The following TANC1 variants were observed in gnomAD, a reference collection of about 807,000 sequenced individuals.
The protein encoded by TANC1 is tetratricopeptide repeat, ankyrin repeat and coiled-coil containing 1, also known as protein TANC1.
Under a neutral mutation model 149.7 loss-of-function variants are expected in TANC1, and 77 were observed. That is an observed-to-expected ratio of 0.51 (90% CI 0.43 to 0.62). The LOEUF is 0.62. Among genes scored for constraint, TANC1 ranks in the 20% least tolerant of loss-of-function variants. The pLI, the probability that TANC1 is intolerant of heterozygous loss-of-function variation, is 0.00. For synonymous variants in TANC1, 854 were observed against 925.0 expected, an observed-to-expected ratio of 0.92 and a Z score of 1.39; for missense variants, 1,985 against 2,321.8, an observed-to-expected ratio of 0.85 and a Z score of 2.98.
At chr2:159,064,147 C>T (rs77275470) in intron 2 of TANC1, among the ~76,000 whole-genome samples, 7,260 of 152,224 alleles carry the variant, frequency 0.048, 549 homozygotes, top group African/African-American at 0.16. Context: ...ACTTTTACTA[C>T]CATTTTTTTA....
At chr2:159,209,085 T>G (rs567359055) in intron 19 of TANC1, among the ~76,000 whole-genome samples, 1 of 152,378 alleles carries the variant, frequency 6.6e-6, no homozygotes, top group South Asian at 2.1e-4. Context: ...AGCATGTGAC[T>G]GTACCTGGGC....
rs1377442276 is a variant in TANC1, at chr2:159,079,969, G to A, written c.61+13998G>A. Among the ~76,000 whole-genome samples, 3 of 152,324 alleles carry A rather than the reference G, an allele frequency of 2.0e-5. No individual in the cohort carries two copies. In the East Asian group the frequency reaches 5.8e-4, roughly 29 times the overall value. On this transcript the variant is annotated intron_variant, in intron 3 of 26. Coordinates refer to ENST00000263635, the MANE Select transcript of TANC1 (RefSeq NM_033394.3). ...TTAACGAATTTTTAAATGAGAAAGG[G>A]TAGTTTGGTAGTCTACTTGAAAATG...
intron 4 of TANC1, among the ~76,000 whole-genome samples, chr2:159,120,004 T>A (rs2048681825): frequency 6.6e-6 from 1 of 152,194 alleles, no homozygotes; most frequent in Admixed American, 6.5e-5. Flanking sequence ...TTTCTTTCAG[T>A]CTCAGGTGCA....
Position 159,163,066 on chromosome 2 carries a change from G to A in TANC1, c.683-217G>A, listed in dbSNP as rs138415302. Reference sequence around the variant, plus strand: ...ATCTTCCTATCAGAGTTTCTCCCTCGCTCCTCTTCTCTGTAGAGTGATTTA... The same window carrying A: ...ATCTTCCTATCAGAGTTTCTCCCTCACTCCTCTTCTCTGTAGAGTGATTTA... On this transcript the variant is annotated intron_variant, in intron 7 of 26. Transcript: ENST00000263635. 6.6e-5 allele frequency among the ~76,000 whole-genome samples: 10 copies of A among 151,912 alleles called. No homozygotes were observed. The East Asian group carries it at 7.7e-4, about 12-fold the overall frequency.
Position 159,195,127 on chromosome 2 carries a change from CT to C in TANC1, c.2979+642del, listed in dbSNP as rs2057752290. ...ATACAAGTTACTCTAGAGCGATCAA[CT>C]TTTTTTTCTGTTTTGACAGTCTCAC... On this transcript the variant is annotated intron_variant, in intron 17 of 26. Transcript: ENST00000263635. Among the ~76,000 whole-genome samples, 3 of 152,060 alleles carry C rather than the reference CT, an allele frequency of 2.0e-5. No individual in the cohort carries two copies. The South Asian group carries it at 6.2e-4, about 31-fold the overall frequency.
At chr2:159,100,537 A>G (rs1007183790) in intron 4 of TANC1, among the ~76,000 whole-genome samples, 3 of 152,218 alleles carry the variant, frequency 2.0e-5, no homozygotes, top group Non-Finnish European at 4.4e-5. Flanking sequence ...GAAACATACA[A>G]GCTTCTGGTG....
chr2:159,200,605 T>A (rs2058176902), intron 19 of TANC1, among the ~76,000 whole-genome samples: 1 of 152,220 alleles, frequency 6.6e-6, no homozygotes. Flanking sequence ...CTGAATTGCA[T>A]TATCATCCTG....
intron 7 of TANC1, among the ~76,000 whole-genome samples, chr2:159,154,177 G>A (rs1051745574): frequency 7.2e-5 from 11 of 152,184 alleles, no homozygotes; most frequent in Admixed American, 7.2e-4. Flanking sequence ...GCAGCTGTGG[G>A]CTCAAAGCAG....
rs1417172688 is a variant in TANC1, at chr2:159,096,690, G to C, written c.62-947G>C. On this transcript the variant is annotated intron_variant, in intron 3 of 26. Coordinates refer to ENST00000263635, the MANE Select transcript of TANC1 (RefSeq NM_033394.3). ...AGAGGGCAGGGGCATGAGCCAGAAT[G>C]GCGGGGTTTGGTGGGAAGGACGGTG... Among the ~76,000 whole-genome samples the C allele has an allele frequency of 2.0e-5, 3 of 152,194 alleles. No individual in the cohort carries two copies. In the South Asian group the frequency reaches 6.2e-4, roughly 32 times the overall value.
Position 159,230,358 on chromosome 2 carries a change from C to T in TANC1, c.4932C>T (p.Asn1644=), listed in dbSNP as rs746049463. ...SSVAVDAAPP[N]QGGLATCSDV... ...TGGCTGTGGACGCAGCCCCTCCAAA[C>T]CAAGGTGGGCTGGCGACCTGCAGCG... The change falls in exon 27 of 27, where the codon AAC becomes AAT. Residue 1644 remains asparagine, a synonymous_variant. Coordinates refer to ENST00000263635, the MANE Select transcript of TANC1 (RefSeq NM_033394.3). The surrounding 1 kb of genome is among the most constrained non-coding windows in gnomAD (Gnocchi z 4.4). The T allele has an allele frequency of 6.2e-7, 1 of 1,614,108 alleles. No homozygotes were observed. The highest frequency in any genetic ancestry group is 8.5e-7 in the Non-Finnish European group (1 of 1,180,020).
chr2:159,143,433 C>T (rs1433064973), intron 5 of TANC1, among the ~76,000 whole-genome samples: 2 of 151,550 alleles, frequency 1.3e-5, no homozygotes, highest in African/African-American at 4.9e-5. Flanking sequence ...ATTGAGTCAA[C>T]AGTGGAACTT....
rs191032276 is a variant in TANC1, at chr2:159,041,199, C to T, written c.-15-24697C>T. On this transcript the variant is annotated intron_variant, in intron 2 of 26. Transcript: ENST00000263635. Reference sequence around the variant, plus strand: ...CAGCTGTATGAGGTGTCAGTTGGCCCCTACTGGGAGGTGTCTGCCAGTAAG... The same window carrying T: ...CAGCTGTATGAGGTGTCAGTTGGCCTCTACTGGGAGGTGTCTGCCAGTAAG... Among the ~76,000 whole-genome samples the T allele has an allele frequency of 2.3e-3, 346 of 152,196 alleles. 3 individuals carry two copies. Among genetic ancestry groups the T allele is most frequent in the African/African-American group, 7.7e-3 (320 of 41,536 alleles).
intron 17 of TANC1, among the ~76,000 whole-genome samples, chr2:159,196,050 C>G (rs1051987552): frequency 1.3e-5 from 2 of 152,164 alleles, no homozygotes; most frequent in Admixed American, 1.3e-4. Flanking sequence ...GCCGCCCCCC[C>G]TTTACTTGCC....
intron 19 of TANC1, among the ~76,000 whole-genome samples, chr2:159,213,582 C>T (rs2059146731): frequency 6.6e-6 from 1 of 151,962 alleles, no homozygotes; most frequent in Admixed American, 6.6e-5. Flanking sequence ...ATGAATGGTA[C>T]CTGCAGTCCA....
At chr2:159,107,533 A>G (rs529585219) in intron 4 of TANC1, among the ~76,000 whole-genome samples, 5 of 152,306 alleles carry the variant, frequency 3.3e-5, no homozygotes, top group African/African-American at 1.2e-4. Context: ...GATGTGAAGT[A>G]GGGACCAACT....
intron 1 of TANC1, among the ~76,000 whole-genome samples, chr2:158,971,823 A>T (rs1168979464): frequency 2.6e-5 from 4 of 152,214 alleles, no homozygotes; most frequent in African/African-American, 9.7e-5. Context: ...TATTTGAATA[A>T]ACCAAGGCCT....
At chr2:159,113,101 ATTT>A (rs1158316076) in intron 4 of TANC1, among the ~76,000 whole-genome samples, 1 of 151,916 alleles carries the variant, frequency 6.6e-6, no homozygotes, top group East Asian at 1.9e-4. Flanking sequence ...CGCGTGGCTA[ATTT>A]TTGTATTTTT....
At chr2:159,065,378 T>A (rs1559192132) in intron 2 of TANC1, among the ~76,000 whole-genome samples, 1 of 152,278 alleles carries the variant, frequency 6.6e-6, no homozygotes, top group Non-Finnish European at 1.5e-5. Context: ...GTGTTCCCAC[T>A]GTATTTATTT....
chr2:159,062,057 G>A (rs2042273619), intron 2 of TANC1, among the ~76,000 whole-genome samples: 2 of 152,266 alleles, frequency 1.3e-5, no homozygotes, highest in East Asian at 1.9e-4. Context: ...GGCCAACATG[G>A]TGAAACCCCG....
Sources: allele counts gnomAD v4.1 joint callset (sites outside exome capture counted in the v4.1 genomes callset), GRCh38; gene constraint gnomAD v4.1.1; non-coding constraint Gnocchi (gnomAD v3.1); transcripts MANE v1.5; gene names NCBI Gene and HGNC (gene_info 2026-07-23, HGNC 2026-07-21).